SLC39A10: variants seen among roughly 807,000 people sequenced by gnomAD.
SLC39A10 encodes solute carrier family 39 member 10, also known as zinc transporter ZIP10.
SLC39A10 carries 13 observed loss-of-function variants against 65.1 expected under a neutral mutation model. The ratio of observed to expected loss-of-function variants is 0.20; its 90% confidence interval spans 0.13 to 0.32. The LOEUF is 0.32. SLC39A10 is among the 10% of genes least tolerant of loss of function. SLC39A10 has a pLI of 1.00. For missense variants in SLC39A10, 831 were observed against 1,018.4 expected (o/e 0.82, Z 2.50); for synonymous variants, 321 against 342.2 (o/e 0.94, Z 0.68).
intron 3 of SLC39A10, among the ~76,000 whole-genome samples, chr2:195,687,239 A>C (rs540586801): frequency 6.6e-6 from 1 of 152,322 alleles, no homozygotes; most frequent in Admixed American, 6.5e-5. Context: ...TTAATTAAAA[A>C]TAAAATAGAT....
chr2:195,634,416 T>A (rs866154384), intron 2 of SLC39A10, among the ~76,000 whole-genome samples: 3 of 152,210 alleles, frequency 2.0e-5, no homozygotes, highest in African/African-American at 7.2e-5. Context: ...TTTTTTCTCT[T>A]TTATTTGATT....
chr2:195,617,337 C>T (rs1255928297), intron 2 of SLC39A10, among the ~76,000 whole-genome samples: 4 of 151,568 alleles, frequency 2.6e-5, no homozygotes, highest in African/African-American at 9.7e-5. Context: ...CCAAGGTGGG[C>T]AGATCACAAG....
intron 9 of SLC39A10, 104 bp from the exon 10 acceptor site, chr2:195,734,779 A>T: frequency 9.3e-7 from 1 of 1,079,880 alleles, no homozygotes; most frequent in Non-Finnish European, 1.3e-6. Flanking sequence ...TTTTGTCTGT[A>T]GTTACACTTC....
In SLC39A10 at chr2:195,683,684, T is replaced by C; in HGVS notation, c.1009-15T>C. 1.2e-6 allele frequency: 2 copies of C among 1,601,268 alleles called. No homozygotes were observed. Among genetic ancestry groups the C allele is most frequent in the Non-Finnish European group, 1.7e-6 (2 of 1,171,138 alleles). Reference sequence around the variant, plus strand: ...AGACACTCTTATTTAATTTGTTTTATCACTTTCCTTGCAGTGTTTGAACGT... The same window carrying C: ...AGACACTCTTATTTAATTTGTTTTACCACTTTCCTTGCAGTGTTTGAACGT... On this transcript the variant is annotated splice_polypyrimidine_tract_variant and intron_variant, in intron 2 of 9. Coordinates refer to ENST00000359634, the MANE Select transcript of SLC39A10 (RefSeq NM_020342.3).
intron 2 of SLC39A10, among the ~76,000 whole-genome samples, chr2:195,631,962 C>T (rs1039289637): frequency 3.9e-5 from 6 of 152,076 alleles, no homozygotes; most frequent in Non-Finnish European, 8.8e-5. Flanking sequence ...GATCATGGCT[C>T]ACTGCTGCCT....
At chr2:195,713,295 T>C in intron 5 of SLC39A10, 138 bp from the exon 6 acceptor site, 1 of 675,780 alleles carries the variant, frequency 1.5e-6, no homozygotes, top group Non-Finnish European at 2.2e-6. Context: ...CAAGAATTTT[T>C]TTTCACGCCC....
At chr2:195,631,860 G>T (rs539673370) in intron 2 of SLC39A10, among the ~76,000 whole-genome samples, 215 of 152,068 alleles carry the variant, frequency 1.4e-3, no homozygotes, top group African/African-American at 4.6e-3. Context: ...TATTGCTGAG[G>T]CTCTTTGTTC....
chr2:195,704,759 C>A (rs909833909), intron 3 of SLC39A10, among the ~76,000 whole-genome samples: 3 of 152,066 alleles, frequency 2.0e-5, no homozygotes, highest in East Asian at 3.9e-4. Flanking sequence ...TTAGAGCAAT[C>A]ACTGCCCCAC....
chr2:195,619,660 A>G (rs756736133), intron 2 of SLC39A10, among the ~76,000 whole-genome samples: 8 of 152,172 alleles, frequency 5.3e-5, no homozygotes, highest in East Asian at 1.9e-4. Flanking sequence ...TGAATTCCCA[A>G]TGTAAAAGAT....
intron 2 of SLC39A10, among the ~76,000 whole-genome samples, chr2:195,621,657 G>A (rs1452289900): frequency 6.6e-5 from 10 of 152,332 alleles, no homozygotes; most frequent in East Asian, 5.8e-4. Flanking sequence ...AAGGTCCAGA[G>A]CCAGCACTGT....
In SLC39A10 at chr2:195,728,420, C is replaced by A; in HGVS notation, c.2337+71C>A. The stretch of plus-strand genomic sequence containing the variant: ...AGAAATCCTTGGAAGTGGTTTGAAG[C>A]CAAACTATTTTTGAAAATATAACTC... On this transcript the variant is annotated intron_variant, in intron 9 of 9. Transcript: ENST00000359634. The surrounding 1 kb of genome is among the most constrained non-coding windows in gnomAD (Gnocchi z 4.4). 7.2e-7 allele frequency: 1 copy of A among 1,389,182 alleles called. No individual in the cohort carries two copies. The highest frequency in any genetic ancestry group is 1.5e-5 in the South Asian group (1 of 67,988). The allele number at this position is 1,389,182 out of a possible 1,614,324, so 86.1% of individuals were successfully genotyped here. A position where few individuals can be genotyped will look rare whatever the true frequency, so the allele number is the denominator to read the frequency against.
Position 195,708,710 on chromosome 2 carries a change from C to T in SLC39A10, c.1441C>T (p.His481Tyr), listed in dbSNP as rs1691495862. ...HQHAHGHGHS[H>Y]GHESNKFLEE... ...ACATGCACATGGGCATGGACATTCT[C>T]ATGGACATGAATCTAACAAGTTTTT... Residue 481 changes from histidine (H) to tyrosine (Y), a missense_variant, in exon 5 of 10, where the codon CAT (histidine) becomes TAT (tyrosine). Physicochemically the swap from His to Tyr is moderately conservative, Grantham distance 83 (BLOSUM62 2). Coordinates refer to ENST00000359634, the MANE Select transcript of SLC39A10 (RefSeq NM_020342.3). 6.2e-7 allele frequency: 1 copy of T among 1,612,906 alleles called. No homozygotes were observed. The highest frequency in any genetic ancestry group is 2.2e-5 in the East Asian group (1 of 44,798).
intron 3 of SLC39A10, among the ~76,000 whole-genome samples, chr2:195,696,600 T>C (rs565323000): frequency 4.9e-4 from 75 of 152,200 alleles, no homozygotes; most frequent in African/African-American, 1.8e-3. Flanking sequence ...TTGAACAACG[T>C]GGGGGGATTA....
chr2:195,626,069 C>A (rs1267699320), intron 2 of SLC39A10, among the ~76,000 whole-genome samples: 1 of 152,136 alleles, frequency 6.6e-6, no homozygotes, highest in African/African-American at 2.4e-5. Flanking sequence ...TAGAAGTGAG[C>A]CACTGTGCCT....
intron 2 of SLC39A10, among the ~76,000 whole-genome samples, chr2:195,639,989 A>G (rs949709612): frequency 1.3e-5 from 2 of 152,158 alleles, no homozygotes; most frequent in African/African-American, 4.8e-5. Context: ...AGTCATGGAT[A>G]TTTGTTTTAT....
Position 195,723,117 on chromosome 2 carries a change from A to G in SLC39A10, c.2146+4785A>G. On this transcript the variant is annotated intron_variant, in intron 8 of 9. Coordinates refer to ENST00000359634, the MANE Select transcript of SLC39A10 (RefSeq NM_020342.3). ...CATATCCTTAGAACCATAGAATAAC[A>G]TATAGTTCAGGGAATTTGACTGTAA... is the stretch of plus-strand genomic sequence containing the variant. 2.0e-5 allele frequency among the ~76,000 whole-genome samples: 3 copies of G among 152,244 alleles called. 1 individual carries two copies. Among genetic ancestry groups the G allele is most frequent in the African/African-American group, 4.8e-5 (2 of 41,462 alleles).
At chr2:195,625,854 A>T (rs1369626814) in intron 2 of SLC39A10, among the ~76,000 whole-genome samples, 3 of 152,206 alleles carry the variant, frequency 2.0e-5, no homozygotes, top group African/African-American at 7.2e-5. Context: ...TCACCTGGGC[A>T]GGAGAGCAGT....
intron 2 of SLC39A10, among the ~76,000 whole-genome samples, chr2:195,627,823 G>T (rs565489292): frequency 2.0e-5 from 3 of 152,276 alleles, no homozygotes; most frequent in South Asian, 2.1e-4. Context: ...AAGAGGAAAA[G>T]AAATTCCAAA....
intron 9 of SLC39A10, among the ~76,000 whole-genome samples, chr2:195,732,627 A>G (rs1176512717): frequency 6.6e-6 from 1 of 152,244 alleles, no homozygotes; most frequent in Non-Finnish European, 1.5e-5. Context: ...AAGGAAAGTC[A>G]TAATGAAAAA....
Sources: gnomAD v4.1 joint callset for allele counts (sites outside exome capture counted in the v4.1 genomes callset) on GRCh38, gnomAD v4.1.1 for gene constraint, Gnocchi (gnomAD v3.1) non-coding constraint, MANE v1.5 for transcripts, NCBI Gene and HGNC (gene_info 2026-07-23, HGNC 2026-07-21) for gene names.